Variants in TBC1D32 observed in about 807,000 individuals in gnomAD.
TBC1D32 encodes the protein protein broad-minded.
In TBC1D32, 151 loss-of-function variants were observed where a neutral mutation model predicts 170.3. That is an observed-to-expected ratio of 0.89 (90% CI 0.78 to 1.01). TBC1D32 has a LOEUF of 1.01. TBC1D32 is among the 50% of genes least tolerant of loss of function. TBC1D32 has a pLI of 0.00. For synonymous variants in TBC1D32, 498 were observed against 488.0 expected (o/e 1.02, Z -0.27); for missense variants, 1,464 against 1,457.1 (o/e 1.00, Z -0.08).
At chr6:121,253,234 A>G (rs1798523250) in intron 17 of TBC1D32, among the ~76,000 whole-genome samples, 1 of 152,320 alleles carries the variant, frequency 6.6e-6, no homozygotes, top group South Asian at 2.1e-4. Flanking sequence ...AGAATCTACA[A>G]AGAAGCCAAA....
At chr6:121,149,385 T>C (rs1024178349) in intron 24 of TBC1D32, among the ~76,000 whole-genome samples, 4 of 152,196 alleles carry the variant, frequency 2.6e-5, no homozygotes, top group African/African-American at 9.7e-5. Flanking sequence ...GTCTTTACGG[T>C]TTTAAGTCTT....
chr6:121,274,694 G>C (rs1801989233), intron 15 of TBC1D32, among the ~76,000 whole-genome samples: 1 of 151,680 alleles, frequency 6.6e-6, no homozygotes, highest in South Asian at 2.1e-4. Context: ...ACCAAAAAAA[G>C]ACAAAAAAGA....
At chr6:121,311,904 C>T (rs566764053) in intron 3 of TBC1D32, among the ~76,000 whole-genome samples, 3 of 152,130 alleles carry the variant, frequency 2.0e-5, no homozygotes, top group African/African-American at 4.8e-5. Context: ...CCCATGCACA[C>T]GTATGTTTAT....
At chr6:121,266,827 C>T (rs530822612) in intron 15 of TBC1D32, among the ~76,000 whole-genome samples, 4 of 151,760 alleles carry the variant, frequency 2.6e-5, no homozygotes, top group Non-Finnish European at 5.9e-5. Flanking sequence ...AACCAAATAC[C>T]ACATGTTCTC....
intron 26 of TBC1D32, among the ~76,000 whole-genome samples, chr6:121,117,004 G>C (rs536179090): frequency 6.6e-6 from 1 of 152,044 alleles, no homozygotes; most frequent in Non-Finnish European, 1.5e-5. Flanking sequence ...AAATAGACTC[G>C]ACTCCAGACT....
intron 17 of TBC1D32, among the ~76,000 whole-genome samples, chr6:121,251,150 C>A (rs567835430): frequency 3.5e-4 from 53 of 152,186 alleles, no homozygotes; most frequent in African/African-American, 1.3e-3. Flanking sequence ...AATGGTCATA[C>A]TGCCCAAAGT....
chr6:121,289,451 G>T (rs1048739636), intron 12 of TBC1D32, among the ~76,000 whole-genome samples: 4 of 152,192 alleles, frequency 2.6e-5, no homozygotes, highest in Non-Finnish European at 4.4e-5. Context: ...CGAGGGACGT[G>T]AAGGACCTCC....
chr6:121,189,168 T>A (rs1487417960), intron 22 of TBC1D32, among the ~76,000 whole-genome samples: 1 of 151,992 alleles, frequency 6.6e-6, no homozygotes, highest in East Asian at 1.9e-4. Flanking sequence ...AAACCTGAAA[T>A]AAAATTCCTT....
chr6:121,108,224 T>TA (rs1778882775), intron 29 of TBC1D32, among the ~76,000 whole-genome samples: 1 of 152,134 alleles, frequency 6.6e-6, no homozygotes, highest in African/African-American at 2.4e-5. Flanking sequence ...ACATTGTTCA[T>TA]AAAACTAGAT....
intron 3 of TBC1D32, 87 bp from the exon 4 acceptor site, chr6:121,310,934 A>G (rs1808097230): frequency 1.3e-6 from 1 of 775,124 alleles, no homozygotes; most frequent in Admixed American, 2.4e-5. Context: ...AATTCCAAGC[A>G]CAAAACACAA....
intron 15 of TBC1D32, among the ~76,000 whole-genome samples, chr6:121,265,204 A>T (rs957722371): frequency 6.6e-6 from 1 of 152,222 alleles, no homozygotes; most frequent in African/African-American, 2.4e-5. Flanking sequence ...CTGACAAGCA[A>T]CTTTAGCAAA....
rs1410766577 is a variant in TBC1D32, at chr6:121,256,244, A to G, written c.1775T>C (p.Leu592Pro). Reference protein sequence around the residue: ...AHIIAQFSKKLLDEDISIFSG... With the variant: ...AHIIAQFSKKPLDEDISIFSG... ...AAATATAGAAATATCTTCATCGAGAAGTTTTTTCGAAAACTGGGCAATTAT... is the reference window on the plus strand; with the variant it reads ...AAATATAGAAATATCTTCATCGAGAGGTTTTTTCGAAAACTGGGCAATTAT... The change falls in exon 16 of 32, where the codon CTT (leucine) becomes CCT (proline). Residue 592 changes from leucine (L) to proline (P), a missense_variant. Leu to Pro is a moderately conservative substitution (Grantham distance 98). Around this residue, in one of 3 missense-constraint regions of TBC1D32, gnomAD observed 1,363 missense variants for 1,338.1 expected, o/e 1.02. Coordinates refer to ENST00000398212, the MANE Select transcript of TBC1D32 (RefSeq NM_152730.6). 1.2e-6 allele frequency: 2 copies of G among 1,613,704 alleles called. No individual in the cohort carries two copies. The highest frequency in any genetic ancestry group is 1.7e-6 in the Non-Finnish European group (2 of 1,179,902).
chr6:121,102,358 C>G (rs541541001), intron 30 of TBC1D32, among the ~76,000 whole-genome samples: 1 of 152,208 alleles, frequency 6.6e-6, no homozygotes, highest in South Asian at 2.1e-4. Context: ...GCTACAGTAA[C>G]CAAAACAGCA....
chr6:121,261,009 C>G (rs1799693344), intron 15 of TBC1D32, among the ~76,000 whole-genome samples: 1 of 152,186 alleles, frequency 6.6e-6, no homozygotes, highest in African/African-American at 2.4e-5. Context: ...AGCACACCAG[C>G]TGTGGCAGAT....
At chr6:121,185,398 T>C (rs1789063435) in intron 22 of TBC1D32, among the ~76,000 whole-genome samples, 1 of 152,098 alleles carries the variant, frequency 6.6e-6, no homozygotes, top group Non-Finnish European at 1.5e-5. Flanking sequence ...CACTTTCACT[T>C]GATGATGGAG....
intron 24 of TBC1D32, among the ~76,000 whole-genome samples, chr6:121,135,253 A>G (rs1449493229): frequency 2.0e-5 from 3 of 152,186 alleles, no homozygotes; most frequent in Admixed American, 1.3e-4. Flanking sequence ...TGAGTGTAAT[A>G]TGAAAAATAC....
intron 21 of TBC1D32, among the ~76,000 whole-genome samples, 197 bp from the exon 22 acceptor site, chr6:121,205,360 T>G (rs1181560737): frequency 1.3e-5 from 2 of 152,148 alleles, no homozygotes; most frequent in Non-Finnish European, 2.9e-5. Flanking sequence ...TCAAAGTTTC[T>G]GAATTAACTG....
intron 22 of TBC1D32, among the ~76,000 whole-genome samples, chr6:121,194,008 G>A (rs1350484181): frequency 1.3e-5 from 2 of 150,918 alleles, no homozygotes; most frequent in Non-Finnish European, 2.9e-5. Flanking sequence ...AATGTAGAGG[G>A]TAACTGTGAA....
At chr6:121,290,179 C>T (rs1804604281) in intron 12 of TBC1D32, among the ~76,000 whole-genome samples, 2 of 152,102 alleles carry the variant, frequency 1.3e-5, no homozygotes, top group Admixed American at 1.3e-4. Context: ...AGCTTCTGCA[C>T]AGCAAAAGAA....
Sources: gnomAD v4.1 joint callset for allele counts (sites outside exome capture counted in the v4.1 genomes callset) on GRCh38, gnomAD v4.1.1 for gene constraint, gnomAD v4.1.1 regional missense constraint, MANE v1.5 for transcripts, NCBI Gene and HGNC (gene_info 2026-07-23, HGNC 2026-07-21) for gene names.